KIF7: variants seen among roughly 807,000 people sequenced by gnomAD.
KIF7 encodes kinesin family member 7.
A neutral mutation model predicts 135.7 loss-of-function variants in KIF7; 104 were observed. The ratio of observed to expected loss-of-function variants is 0.77; its 90% confidence interval spans 0.65 to 0.90. KIF7 has a LOEUF of 0.90. Ranked by LOEUF, KIF7 falls within the 40% of genes least tolerant of loss-of-function variation. The pLI is 0.00. For synonymous variants in KIF7, 883 were observed against 809.4 expected (o/e 1.09, Z -1.54); for missense variants, 2,005 against 1,839.1 (o/e 1.09, Z -1.65).
Position 89,642,227 on chromosome 15 carries a change from G to T in KIF7, c.2370C>A (p.Val790=), listed in dbSNP as rs772086808. The part of the protein sequence containing the change: ...RSRLQEFRRR[V]AAAQSQVQVL... ...CCTGCACCTGGCTCTGGGCCGCAGC[G>T]ACCCTCCTGCGGAACTCCTGGAGCC... The change falls in exon 11 of 19, where the codon GTC becomes GTA. Residue 790 remains valine, a synonymous_variant. Transcript: ENST00000394412. 2.5e-6 allele frequency: 4 copies of T among 1,610,214 alleles called. No homozygotes were observed. Among genetic ancestry groups the T allele is most frequent in the Non-Finnish European group, 3.4e-6 (4 of 1,179,624 alleles).
At position 89,652,672 on chromosome 15, in the gene KIF7, T is replaced by C. The variant is rs147947221; in HGVS notation, c.259A>G (p.Asn87Asp). ...TGACCATAGGCAAAGACAGTGGCAT[T>C]GAAGCCCTCGAAGAAGGCCTCAAGG... ...PLLEAFFEGFNATVFAYGQTG... is the reference protein window; with the variant it reads ...PLLEAFFEGFDATVFAYGQTG... Residue 87 changes from asparagine (N) to aspartate (D), a missense_variant, in exon 2 of 19, where the codon AAT (asparagine) becomes GAT (aspartate). Asn to Asp is a conservative substitution (Grantham distance 23, BLOSUM62 1). Coordinates refer to ENST00000394412, the MANE Select transcript of KIF7 (RefSeq NM_198525.3). The C allele has an allele frequency of 9.7e-6, 15 of 1,551,182 alleles. No homozygotes were observed. The highest frequency in any genetic ancestry group is 1.7e-4 in the Middle Eastern group (1 of 5,992).
rs1239408011 is a variant in KIF7 at position 89,649,371 on chromosome 15, C to A, written c.530-4G>T. 1.4e-6 allele frequency: 2 copies of A among 1,451,028 alleles called. No individual in the cohort carries two copies. The highest frequency in any genetic ancestry group is 1.5e-5 in the South Asian group (1 of 67,926). 89.9% of individuals were successfully genotyped at this position (1,451,028 alleles called of 1,614,324 possible). On this transcript the variant is annotated splice_region_variant and splice_polypyrimidine_tract_variant and intron_variant, in intron 3 of 18. Transcript: ENST00000394412. The stretch of plus-strand genomic sequence containing the variant: ...ACCTCCTTCACCCCGCACAGCACTG[C>A]GGGCACAGAAGGCCGTGAGCCCCAG...
chr15:89,627,870 C>G (rs3195377), downstream of KIF7: 1 of 152,360 alleles, frequency 6.6e-6, no homozygotes, highest in Admixed American at 6.5e-5. Context: ...AGGGCTGACT[C>G]TGAACTGTCT....
downstream of KIF7, chr15:89,625,404 C>T (rs988277052): frequency 2.5e-6 from 4 of 1,613,886 alleles, no homozygotes; most frequent in East Asian, 4.5e-5. Flanking sequence ...GCGCCGGCTC[C>T]TCTTCCGGGA....
At chr15:89,649,450 C>A in intron 3 of KIF7, 83 bp from the exon 4 acceptor site, 1 of 1,392,280 alleles carries the variant, frequency 7.2e-7, no homozygotes, top group South Asian at 1.5e-5. Context: ...AGAACTAGCC[C>A]CAAACCTGCC....
At position 89,631,208 on chromosome 15, in the gene KIF7, T is replaced by C. The variant is rs146248282; in HGVS notation, c.3111+287A>G. ...ACACTCCACACACGAAGCCGAGACG[T>C]GTGGGCAGGTACTCGAATGCAGCAC... is the stretch of plus-strand genomic sequence containing the variant. On this transcript the variant is annotated intron_variant, in intron 15 of 18. Transcript: ENST00000394412. Among the ~76,000 whole-genome samples the C allele has an allele frequency of 1.1e-4, 17 of 152,276 alleles. No homozygotes were observed. In the East Asian group the frequency reaches 3.3e-3, roughly 29 times the overall value.
chr15:89,623,562 A>T, downstream of KIF7: 1 of 1,499,228 alleles, frequency 6.7e-7, no homozygotes, highest in Non-Finnish European at 9.0e-7. Context: ...AGATTACTAA[A>T]ACACTTCAGA....
chr15:89,641,822 C>T (rs896216654), intron 11 of KIF7, among the ~76,000 whole-genome samples: 20 of 152,064 alleles, frequency 1.3e-4, no homozygotes, highest in Admixed American at 2.6e-4. Context: ...AAACCGATGG[C>T]ATGGGTTTGA....
chr15:89,617,689 C>CTTTTT (rs35732953), intron 2 of KIF7, among the ~76,000 whole-genome samples: 4 of 98,770 alleles, frequency 4.0e-5, no homozygotes, highest in African/African-American at 1.1e-4. Context: ...ACCCAGCTAT[C>CTTTTT]TTTTTTTTTT....
chr15:89,650,948 T>G (rs1261461632), intron 2 of KIF7, among the ~76,000 whole-genome samples: 1 of 152,150 alleles, frequency 6.6e-6, no homozygotes, highest in Admixed American at 6.5e-5. Context: ...GTTGTTGTGT[T>G]TTTGAAATGG....
chr15:89,636,477 G>A lies in KIF7; in HGVS notation c.2395-2594C>T, dbSNP rs1195428795. ...CACATAGGCTCAAAATAAAAGGATG[G>A]AGGAAGATCTACCAAGCAAATGGAA... On this transcript the variant is annotated intron_variant, in intron 11 of 18. Coordinates refer to ENST00000394412, the MANE Select transcript of KIF7 (RefSeq NM_198525.3). Among the ~76,000 whole-genome samples, 12 of 115,302 alleles carry A rather than the reference G, an allele frequency of 1.0e-4. No homozygotes were observed. In the South Asian group the frequency reaches 3.6e-3, roughly 35 times the overall value. The allele number at this position is 115,302 out of a possible 152,430, so 75.6% of individuals were successfully genotyped here.
chr15:89,639,679 TTTACACTG>T (rs1364984850), intron 11 of KIF7, among the ~76,000 whole-genome samples: 2 of 140,044 alleles, frequency 1.4e-5, no homozygotes, highest in East Asian at 4.1e-4. Flanking sequence ...TAGGAACACT[TTTACACTG>T]TTGGTGGGAC....
intron 12 of KIF7, 87 bp from the exon 13 acceptor site, chr15:89,633,353 C>T: frequency 6.7e-7 from 1 of 1,500,404 alleles, no homozygotes; most frequent in Non-Finnish European, 9.0e-7. Flanking sequence ...CCCAGGAGTG[C>T]CTGCCCACTC....
intron 10 of KIF7, 60 bp from the exon 11 acceptor site, chr15:89,642,465 T>C: frequency 1.4e-6 from 2 of 1,475,826 alleles, no homozygotes; most frequent in Non-Finnish European, 1.8e-6. Context: ...GGCCAGCTGT[T>C]TGTCCCCCTG....
At chr15:89,650,399 C>CT (rs879471313) in intron 2 of KIF7, among the ~76,000 whole-genome samples, 52 of 148,306 alleles carry the variant, frequency 3.5e-4, no homozygotes, top group African/African-American at 3.7e-4. Flanking sequence ...GCCAAATCAA[C>CT]TTTTTTTTTT....
downstream of KIF7, chr15:89,625,479 C>T (rs767153517): frequency 1.2e-5 from 19 of 1,613,792 alleles, no homozygotes; most frequent in East Asian, 2.2e-5. Flanking sequence ...GCAAGGACCA[C>T]GGCCTTGAAC....
intron 1 of KIF7, among the ~76,000 whole-genome samples, chr15:89,655,029 AG>A (rs1282964402): frequency 1.3e-5 from 2 of 152,188 alleles, no homozygotes; most frequent in East Asian, 3.9e-4. Context: ...ACAACCCCGC[AG>A]GCGCTATTCG....
chr15:89,618,088 G>A (rs1963364296), exon 2 of KIF7: 13 of 1,507,090 alleles, frequency 8.6e-6, no homozygotes, highest in Non-Finnish European at 1.2e-5. Flanking sequence ...GAAGCTGCCT[G>A]TCTCCTTAAT....
intron 14 of KIF7, among the ~76,000 whole-genome samples, chr15:89,632,547 C>T (rs762509124): frequency 9.9e-5 from 15 of 152,172 alleles, no homozygotes; most frequent in Non-Finnish European, 2.2e-4. Context: ...AGCCCTACAG[C>T]TCATGGGGAT....
Sources: allele counts gnomAD v4.1 joint callset (sites outside exome capture counted in the v4.1 genomes callset), GRCh38; gene constraint gnomAD v4.1.1; transcripts MANE v1.5; gene names NCBI Gene and HGNC (gene_info 2026-07-23, HGNC 2026-07-21).